Variants in STK25 observed in about 807,000 individuals in gnomAD.
STK25 encodes serine/threonine kinase 25.
Under a neutral mutation model 53.8 loss-of-function variants are expected in STK25, and 29 were observed. The ratio of observed to expected loss-of-function variants is 0.54; its 90% CI spans 0.40 to 0.74. STK25 has a LOEUF of 0.74. Ranked by LOEUF, STK25 falls within the 30% of genes least tolerant of loss-of-function variation. STK25 has a pLI of 0.00. For synonymous variants in STK25, 247 were observed against 238.3 expected (o/e 1.04, Z -0.33); for missense variants, 420 against 568.0 (o/e 0.74, Z 2.65).
At chr2:241,508,678 CT>C, upstream of STK25, 1 of 986,002 alleles carries the variant, frequency 1.0e-6, no homozygotes, top group South Asian at 4.7e-5. Flanking sequence ...GCCCGGAAGC[CT>C]GCTGGCGTTG....
rs149768246 is a variant in STK25 at position 241,493,319 on chromosome 2, G to A, written c.*2343C>T. On this transcript the variant is annotated 3_prime_UTR_variant, in exon 12 of 12. Coordinates refer to ENST00000316586, the MANE Select transcript of STK25 (RefSeq NM_001271977.2). ...ATGACTACCCACTGGCCAGCCTCCC[G>A]CTGCTGGGCTACAGCGTGAGCATCC... is the stretch of plus-strand genomic sequence containing the variant. 5.0e-5 allele frequency: 80 copies of A among 1,613,898 alleles called. 1 individual carries two copies. The African/African-American group carries it at 7.7e-4, about 16-fold the overall frequency.
chr2:241,506,180 G>A (rs1452409885), intron 2 of STK25, among the ~76,000 whole-genome samples: 1 of 152,224 alleles, frequency 6.6e-6, no homozygotes, highest in Non-Finnish European at 1.5e-5. Context: ...CTCCCACAAA[G>A]GGGCTGCCCC....
At chr2:241,508,759 A>T (rs898064368), upstream of STK25, 27 of 984,644 alleles carry the variant, frequency 2.7e-5, no homozygotes, top group Non-Finnish European at 3.1e-5. Flanking sequence ...GCTCTCTGGG[A>T]CCCCTAGTCC....
chr2:241,498,639 A>G lies in STK25; in HGVS notation c.917T>C (p.Ile306Thr), dbSNP rs1486694585. Residue 306 changes from isoleucine (I) to threonine (T), a missense_variant and splice_region_variant, in exon 8 of 12, where the codon ATT (isoleucine) becomes ACT (threonine). Ile to Thr is a moderately conservative substitution (Grantham distance 89). Coordinates refer to ENST00000316586, the MANE Select transcript of STK25 (RefSeq NM_001271977.2). ...CCATGAGGATAAACCAGGTCCCTACATGTCAGAGTCCTCAGAGCTGGACTC... is the reference window on the plus strand; with the variant it reads ...CCATGAGGATAAACCAGGTCCCTACGTGTCAGAGTCCTCAGAGCTGGACTC... ...GEESSSEDSD[I>T]DGEAEDGEQG... 2 of 1,612,794 alleles carry G rather than the reference A, an allele frequency of 1.2e-6. No individual in the cohort carries two copies. The highest frequency in any genetic ancestry group is 3.3e-5 in the Admixed American group (2 of 59,860).
chr2:241,498,690 C>A lies in STK25; in HGVS notation c.866G>T (p.Arg289Leu), dbSNP rs145988240. Residue 289 changes from arginine to leucine, a missense_variant, in exon 8 of 12, where the codon CGC (arginine) becomes CTC (leucine). Physicochemically the swap from Arg to Leu is moderately radical, Grantham distance 102 (BLOSUM62 -2). Coordinates refer to ENST00000316586, the MANE Select transcript of STK25 (RefSeq NM_001271977.2). ...FLTELIDRYK[R>L]WKSEGHGEES... ...CTCGCCATGCCCCTCTGACTTCCAG[C>A]GCTTATAGCGGTCGATGAGCTCCGT... 2 of 1,613,986 alleles carry A rather than the reference C, an allele frequency of 1.2e-6. No individual in the cohort carries two copies. Among genetic ancestry groups the A allele is most frequent in the Non-Finnish European group, 1.7e-6 (2 of 1,180,036 alleles).
chr2:241,508,344 G>A, intron 1 of STK25, 99 bp downstream of exon 1: 3 of 1,168,982 alleles, frequency 2.6e-6, no homozygotes, highest in African/African-American at 3.2e-5. Flanking sequence ...TCCTCCCGGT[G>A]CCCCCGCCCC....
At chr2:241,500,130 G>A (rs1414978597) in intron 5 of STK25, 43 bp downstream of exon 5, 9 of 1,545,396 alleles carry the variant, frequency 5.8e-6, no homozygotes, top group Non-Finnish European at 8.1e-6. Context: ...AAGGTCAGTG[G>A]GGCTCAGGAC....
rs780172103 is a variant in STK25 at position 241,493,783 on chromosome 2, G to T, written c.*1879C>A. On this transcript the variant is annotated 3_prime_UTR_variant, in exon 12 of 12. Coordinates refer to ENST00000316586, the MANE Select transcript of STK25 (RefSeq NM_001271977.2). ...GGCTAATTTTTGTATTTTTAGTAGAGACAGGGTTTCACCATGTTGGCCAGG... is the reference window on the plus strand; with the variant it reads ...GGCTAATTTTTGTATTTTTAGTAGATACAGGGTTTCACCATGTTGGCCAGG... The T allele has an allele frequency of 2.1e-6, 1 of 485,034 alleles. No homozygotes were observed. Among genetic ancestry groups the T allele is most frequent in the Admixed American group, 3.7e-5 (1 of 27,354 alleles). 30.0% of individuals were successfully genotyped at this position (485,034 alleles called of 1,614,324 possible). A position where few individuals can be genotyped will look rare whatever the true frequency, so the allele number is the denominator to read the frequency against.
At chr2:241,502,389 AG>A (rs962896083) in intron 2 of STK25, among the ~76,000 whole-genome samples, 2 of 152,174 alleles carry the variant, frequency 1.3e-5, no homozygotes, top group African/African-American at 2.4e-5. Context: ...CCTGGGGGTG[AG>A]GGGGGATTTG....
chr2:241,509,096 C>G (rs1168757531), upstream of STK25: 1 of 152,400 alleles, frequency 6.6e-6, no homozygotes, highest in African/African-American at 2.4e-5. Context: ...CGCGAAGCCC[C>G]TGTTCGTACT....
Position 241,493,528 on chromosome 2 carries a change from A to AGTT in STK25, c.*2131_*2133dup, listed in dbSNP as rs2065008719. ...ATTTCTACTCATGGTGGTGGAGGCA[A>AGTT]GTTTTCTGGGCCCTGGAAAGGAAGG... On this transcript the variant is annotated 3_prime_UTR_variant, in exon 12 of 12. Coordinates refer to ENST00000316586, the MANE Select transcript of STK25 (RefSeq NM_001271977.2). The AGTT allele has an allele frequency of 1.5e-6, 2 of 1,306,842 alleles. No homozygotes were observed. Among genetic ancestry groups the AGTT allele is most frequent in the Admixed American group, 3.5e-5 (2 of 57,502 alleles). The allele number at this position is 1,306,842 out of a possible 1,614,324, so 81.0% of individuals were successfully genotyped here. A position where few individuals can be genotyped will look rare whatever the true frequency, so the allele number is the denominator to read the frequency against.
At chr2:241,508,588 G>A (rs993447532), upstream of STK25, 8 of 989,234 alleles carry the variant, frequency 8.1e-6, no homozygotes, top group Middle Eastern at 4.9e-4. Flanking sequence ...AGAAAGCCCG[G>A]AGGCGACGGC....
At chr2:241,507,327 G>T (rs2065894294) in intron 2 of STK25, among the ~76,000 whole-genome samples, 1 of 152,210 alleles carries the variant, frequency 6.6e-6, no homozygotes, top group Non-Finnish European at 1.5e-5. Flanking sequence ...GCTCGCCGTA[G>T]TGGCTCCCTC....
rs1054254841 is a variant in STK25, at chr2:241,493,514, T to C, written c.*2148A>G. ...TCCGCTCAGCTCCCATTTCTACTCA[T>C]GGTGGTGGAGGCAAGTTTTCTGGGC... On this transcript the variant is annotated 3_prime_UTR_variant, in exon 12 of 12. Coordinates refer to ENST00000316586, the MANE Select transcript of STK25 (RefSeq NM_001271977.2). 14 of 1,496,850 alleles carry C rather than the reference T, an allele frequency of 9.4e-6. No individual in the cohort carries two copies. Among genetic ancestry groups the C allele is most frequent in the Admixed American group, 8.5e-5 (5 of 58,872 alleles). 92.7% of individuals were successfully genotyped at this position (1,496,850 alleles called of 1,614,324 possible).
In STK25 at chr2:241,498,976, A is replaced by G. The variant is rs2065347490; in HGVS notation, c.771+13T>C. The G allele has an allele frequency of 1.2e-6, 2 of 1,613,404 alleles. No individual in the cohort carries two copies. The highest frequency in any genetic ancestry group is 8.5e-7 in the Non-Finnish European group (1 of 1,179,550). On this transcript the variant is annotated intron_variant, in intron 7 of 11. Coordinates refer to ENST00000316586, the MANE Select transcript of STK25 (RefSeq NM_001271977.2). Reference sequence around the variant, plus strand: ...TCCTGTCTAGAAGGGACCGGGCCAGAGGCGGGCCTTACGAATCGGGGGTCT... The same window carrying G: ...TCCTGTCTAGAAGGGACCGGGCCAGGGGCGGGCCTTACGAATCGGGGGTCT...
chr2:241,495,187 A>G lies in STK25; in HGVS notation c.*475T>C, dbSNP rs7618. On this transcript the variant is annotated 3_prime_UTR_variant, in exon 12 of 12. Coordinates refer to ENST00000316586, the MANE Select transcript of STK25 (RefSeq NM_001271977.2). ...GAGCAGACACAGTACCTGATCCAAC[A>G]CCACAAGGCAAATCTATGGCCATCA... 0.19 allele frequency: 30,808 copies of G among 159,366 alleles called. 3,383 individuals are homozygous for G. Among genetic ancestry groups the G allele is most frequent in the East Asian group, 0.38 (2,099 of 5,498 alleles). The allele number at this position is 159,366 out of a possible 1,614,324, so 9.9% of individuals were successfully genotyped here. A position where few individuals can be genotyped will look rare whatever the true frequency, so the allele number is the denominator to read the frequency against.
Position 241,495,565 on chromosome 2 carries a change from G to T in STK25, c.*97C>A. 1 of 1,403,674 alleles carries T rather than the reference G, an allele frequency of 7.1e-7. No individual in the cohort carries two copies. The highest frequency in any genetic ancestry group is 1.0e-6 in the Non-Finnish European group (1 of 991,784). 87.0% of individuals were successfully genotyped at this position (1,403,674 alleles called of 1,614,324 possible). A position where few individuals can be genotyped will look rare whatever the true frequency, so the allele number is the denominator to read the frequency against. ...GGATCCGACGTGTCCCTGCAGGCAC[G>T]ACATAGCACAGGGCACCTTCCAAGT... On this transcript the variant is annotated 3_prime_UTR_variant, in exon 12 of 12. Coordinates refer to ENST00000316586, the MANE Select transcript of STK25 (RefSeq NM_001271977.2).
rs1220669936 is a variant in STK25 at position 241,500,009 on chromosome 2, T to C, written c.427+164A>G. On this transcript the variant is annotated intron_variant, in intron 5 of 11. Transcript: ENST00000316586. ...GGAAACCGTTACAAGTAGTATCTTC[T>C]GGAAAGGGAGCGAGACAGGACTGCT... is the stretch of plus-strand genomic sequence containing the variant. 18 of 705,696 alleles carry C rather than the reference T, an allele frequency of 2.6e-5. No homozygotes were observed. In the East Asian group the frequency reaches 3.8e-4, roughly 15 times the overall value. 43.7% of individuals were successfully genotyped at this position (705,696 alleles called of 1,614,324 possible). A position where few individuals can be genotyped will look rare whatever the true frequency, so the allele number is the denominator to read the frequency against.
chr2:241,496,451 G>A lies in STK25; in HGVS notation c.1188C>T (p.Ser396=), dbSNP rs772687166. ...LENAFSLAEE[S]CPGISDKLMV... ...TCAGCTTGTCTGAGATGCCGGGGCA[G>A]GACTCCTCGGCCAGGCTGAAGGCGT... Residue 396 remains serine (S), a synonymous_variant, in exon 11 of 12, where the codon TCC becomes TCT. Coordinates refer to ENST00000316586, the MANE Select transcript of STK25 (RefSeq NM_001271977.2). The surrounding 1 kb of genome is among the most constrained non-coding windows in gnomAD (Gnocchi z 5.8). The A allele has an allele frequency of 1.2e-6, 2 of 1,613,714 alleles. No individual in the cohort carries two copies. The highest frequency in any genetic ancestry group is 1.7e-6 in the Non-Finnish European group (2 of 1,179,972).
Sources: allele counts gnomAD v4.1 joint callset (sites outside exome capture counted in the v4.1 genomes callset), GRCh38; gene constraint gnomAD v4.1.1; non-coding constraint Gnocchi (gnomAD v3.1); transcripts MANE v1.5; gene names NCBI Gene and HGNC (gene_info 2026-07-23, HGNC 2026-07-21).